The following INTS15 variants were observed in gnomAD, a reference collection of about 807,000 sequenced individuals.
The protein encoded by INTS15 is integrator complex subunit 15.
chr7:6,608,030 C>T, the INTS15 span: 2 of 1,600,056 alleles, frequency 1.2e-6, no homozygotes, highest in African/African-American at 1.3e-5. Context: ...GGGGTTCTAC[C>T]CCCACATCCA....
chr7:6,594,133 C>G, the INTS15 span, among the ~76,000 whole-genome samples: 2 of 149,232 alleles, frequency 1.3e-5, no homozygotes, highest in Non-Finnish European at 3.0e-5. Context: ...CTCAGCCTTC[C>G]AAGTAGCTGG....
the INTS15 span, chr7:6,600,076 C>A: frequency 6.2e-7 from 1 of 1,614,192 alleles, no homozygotes; most frequent in Non-Finnish European, 8.5e-7. Context: ...AGGACCCGGG[C>A]GTGGGGATGG....
chr7:6,602,791 C>T, the INTS15 span: 1 of 469,492 alleles, frequency 2.1e-6, no homozygotes, highest in Non-Finnish European at 4.4e-6. Flanking sequence ...TGGAGAGAAT[C>T]CGGGCCTTGC....
At chr7:6,597,817 T>A in the INTS15 span, among the ~76,000 whole-genome samples, 51 of 152,322 alleles carry the variant, frequency 3.3e-4, no homozygotes, top group African/African-American at 1.2e-3. Flanking sequence ...GAAGTCACCA[T>A]CCGAATGGTG....
chr7:6,590,291 A>C, the INTS15 span: 1 of 1,566,034 alleles, frequency 6.4e-7, no homozygotes, highest in Non-Finnish European at 8.6e-7. Context: ...ACCATGAGCG[A>C]CATCCGCCAC....
At chr7:6,594,615 G>A in the INTS15 span, 8 of 1,610,310 alleles carry the variant, frequency 5.0e-6, no homozygotes, top group African/African-American at 2.7e-5. Context: ...ACTTTAAACA[G>A]GTTATTTCTA....
At chr7:6,607,943 T>G in the INTS15 span, 1 of 1,598,460 alleles carries the variant, frequency 6.3e-7, no homozygotes, top group East Asian at 2.2e-5. The surrounding 1 kb of genome is among the most constrained non-coding windows in gnomAD (Gnocchi z 6.0). Flanking sequence ...CGCTGACGCT[T>G]ATGCTTGTGT....
the INTS15 span, among the ~76,000 whole-genome samples, chr7:6,598,100 G>T: frequency 6.6e-6 from 1 of 152,154 alleles, no homozygotes; most frequent in African/African-American, 2.4e-5. Context: ...GCTCAGATCT[G>T]AGGGGGCGGG....
the INTS15 span, chr7:6,608,298 C>T: frequency 1.0e-4 from 148 of 1,449,830 alleles, no homozygotes; most frequent in Admixed American, 1.4e-3. Context: ...CTTGGTGTCA[C>T]GGAGTCCAGG....
At chr7:6,600,162 T>C in the INTS15 span, 20 of 1,614,116 alleles carry the variant, frequency 1.2e-5, no homozygotes, top group Admixed American at 5.0e-5. Context: ...CAGCTGCACC[T>C]GACCGAGAAG....
At chr7:6,599,387 C>A in the INTS15 span, among the ~76,000 whole-genome samples, 2 of 151,970 alleles carry the variant, frequency 1.3e-5, no homozygotes, top group Non-Finnish European at 2.9e-5. Flanking sequence ...GGACTCTGAG[C>A]TGCTCCCTGA....
chr7:6,591,058 C>G, the INTS15 span, among the ~76,000 whole-genome samples: 26 of 151,674 alleles, frequency 1.7e-4, no homozygotes, highest in South Asian at 5.2e-3. Context: ...AGGCTGGTCT[C>G]AAACTCCTGG....
chr7:6,595,270 A>G, the INTS15 span, among the ~76,000 whole-genome samples: 6 of 152,120 alleles, frequency 3.9e-5, no homozygotes, highest in East Asian at 3.9e-4. Flanking sequence ...AGCTCAAGCA[A>G]TTCTCCCTCA....
chr7:6,599,971 T>G, the INTS15 span: 3 of 1,614,172 alleles, frequency 1.9e-6, no homozygotes, highest in Non-Finnish European at 2.5e-6. Flanking sequence ...CCCCGCTCGT[T>G]GGATTGATCC....
chr7:6,594,197 GA>G, the INTS15 span, among the ~76,000 whole-genome samples: 60 of 150,882 alleles, frequency 4.0e-4, no homozygotes, highest in African/African-American at 1.4e-3. Flanking sequence ...TAGTAGAGAC[GA>G]GTTTCACCAT....
the INTS15 span, chr7:6,608,238 G>A: frequency 6.6e-7 from 1 of 1,517,484 alleles, no homozygotes; most frequent in South Asian, 1.2e-5. Flanking sequence ...ACTCCCAGAA[G>A]AGAACCTCGG....
chr7:6,597,389 G>A, the INTS15 span, among the ~76,000 whole-genome samples: 6 of 151,880 alleles, frequency 4.0e-5, no homozygotes, highest in Non-Finnish European at 5.9e-5. Context: ...CCATGTCCCA[G>A]GTTTAAGCGA....
At chr7:6,600,420 G>T in the INTS15 span, 5 of 1,483,358 alleles carry the variant, frequency 3.4e-6, no homozygotes, top group Non-Finnish European at 4.5e-6. Context: ...GAAGGAAGGA[G>T]GGGCTCCTGG....
At chr7:6,592,181 G>A in the INTS15 span, among the ~76,000 whole-genome samples, 1 of 148,478 alleles carries the variant, frequency 6.7e-6, no homozygotes, top group African/African-American at 2.5e-5. Context: ...AAAAAAAAAA[G>A]AGTCTCCCCT....
Sources: gnomAD v4.1 joint callset for allele counts (sites outside exome capture counted in the v4.1 genomes callset) on GRCh38, gnomAD v4.1.1 for gene constraint, Gnocchi (gnomAD v3.1) non-coding constraint, MANE v1.5 for transcripts, NCBI Gene and HGNC (gene_info 2026-07-23, HGNC 2026-07-21) for gene names.